HMGB1: variants seen among roughly 807,000 people sequenced by gnomAD.
The protein encoded by HMGB1 is high mobility group protein B1.
For synonymous variants in HMGB1, 81 were observed against 84.0 expected, an observed-to-expected ratio of 0.96 and a Z score of 0.19; for missense variants, 79 against 253.5, an observed-to-expected ratio of 0.31 and a Z score of 4.67.
chr13:30,611,545 T>A (rs1258672738), intron 1 of HMGB1, among the ~76,000 whole-genome samples: 1 of 152,214 alleles, frequency 6.6e-6, no homozygotes, highest in African/African-American at 2.4e-5. Context: ...AAGTAAAAAT[T>A]CACCTTTGTG....
intron 1 of HMGB1, among the ~76,000 whole-genome samples, chr13:30,484,596 G>A (rs1432708743): frequency 3.9e-5 from 6 of 152,274 alleles, no homozygotes; most frequent in East Asian, 3.9e-4. Flanking sequence ...TGGGCCAGGC[G>A]CAGTGGTTCA....
intron 1 of HMGB1, chr13:30,464,289 CCT>C: frequency 1.0e-6 from 1 of 985,576 alleles, no homozygotes; most frequent in Non-Finnish European, 1.2e-6. Context: ...AGCCTCGTTT[CCT>C]ATCGGTTTGG....
intron 4 of HMGB1, 47 bp from the exon 5 acceptor site, chr13:30,461,580 TAAGGA>T (rs1886338874): frequency 2.5e-6 from 4 of 1,568,706 alleles, no homozygotes; most frequent in Admixed American, 1.9e-5. Context: ...AAAAAAACAT[TAAGGA>T]AAGAAATAGA....
At chr13:30,467,409 A>C (rs1389810048), upstream of HMGB1, among the ~76,000 whole-genome samples, 2 of 152,238 alleles carry the variant, frequency 1.3e-5, no homozygotes, top group Non-Finnish European at 2.9e-5. Context: ...AAGCTTAGAT[A>C]ATCTTTCCTG....
At chr13:30,497,229 C>G (rs1298188758) in intron 1 of HMGB1, among the ~76,000 whole-genome samples, 1 of 152,128 alleles carries the variant, frequency 6.6e-6, no homozygotes, top group Non-Finnish European at 1.5e-5. Context: ...TTATGCCGCA[C>G]TCATTCCATT....
intron 1 of HMGB1, among the ~76,000 whole-genome samples, chr13:30,601,581 TA>T (rs1254083310): frequency 1.3e-5 from 1 of 79,308 alleles, no homozygotes; most frequent in Non-Finnish European, 2.2e-5. Context: ...CCGTCTCTAC[TA>T]AAAATACAAA....
At chr13:30,527,938 T>C (rs1380501552) in intron 1 of HMGB1, among the ~76,000 whole-genome samples, 4 of 152,196 alleles carry the variant, frequency 2.6e-5, no homozygotes, top group Admixed American at 1.3e-4. Flanking sequence ...AAAATTGAAA[T>C]TTTAAAAAGG....
chr13:30,606,502 A>T (rs150590445), intron 1 of HMGB1, among the ~76,000 whole-genome samples: 37 of 152,348 alleles, frequency 2.4e-4, no homozygotes, highest in African/African-American at 8.4e-4. Flanking sequence ...TTTGGAAAGC[A>T]AAATGAATTT....
At chr13:30,593,494 C>T (rs1475087531) in intron 1 of HMGB1, among the ~76,000 whole-genome samples, 1 of 152,210 alleles carries the variant, frequency 6.6e-6, no homozygotes, top group Non-Finnish European at 1.5e-5. Flanking sequence ...AAAAGTTCAC[C>T]TCAATGCCAA....
chr13:30,614,823 C>A (rs570918611), intron 1 of HMGB1, among the ~76,000 whole-genome samples: 1 of 151,954 alleles, frequency 6.6e-6, no homozygotes, highest in South Asian at 2.1e-4. Context: ...CTTAGCCTCC[C>A]GAGTAGCTGG....
chr13:30,508,833 TCAACAA>T (rs1228664618), intron 1 of HMGB1, among the ~76,000 whole-genome samples: 3 of 152,172 alleles, frequency 2.0e-5, no homozygotes, highest in African/African-American at 7.2e-5. Context: ...GAAATCAAAC[TCAACAA>T]CAGCACCACC....
intron 1 of HMGB1, among the ~76,000 whole-genome samples, chr13:30,494,709 G>A (rs1338766204): frequency 6.6e-6 from 1 of 152,104 alleles, no homozygotes; most frequent in Non-Finnish European, 1.5e-5. Context: ...AAATTCACAT[G>A]ATTGTGCAAC....
intron 1 of HMGB1, among the ~76,000 whole-genome samples, chr13:30,597,996 T>C (rs1220135283): frequency 2.0e-5 from 3 of 152,190 alleles, no homozygotes; most frequent in African/African-American, 7.2e-5. Context: ...AGCCTTAGAG[T>C]AGCTGTCCCT....
intron 1 of HMGB1, among the ~76,000 whole-genome samples, chr13:30,508,676 C>T (rs921444822): frequency 1.7e-4 from 26 of 152,080 alleles, no homozygotes; most frequent in Non-Finnish European, 1.6e-4. Flanking sequence ...GTTTTCTCAC[C>T]GCCTTTCATT....
chr13:30,536,381 A>G (rs1352327779), intron 1 of HMGB1, among the ~76,000 whole-genome samples: 4 of 152,086 alleles, frequency 2.6e-5, no homozygotes, highest in South Asian at 4.1e-4. Context: ...TTTAAAAACT[A>G]ATTTTGTTTT....
At chr13:30,549,809 C>T (rs1460528054) in intron 1 of HMGB1, among the ~76,000 whole-genome samples, 2 of 151,930 alleles carry the variant, frequency 1.3e-5, no homozygotes, top group African/African-American at 2.4e-5. Flanking sequence ...CTCCGCCTCT[C>T]GGGTTCAAGC....
chr13:30,483,355 C>CT (rs1364956870), intron 1 of HMGB1, among the ~76,000 whole-genome samples: 1 of 128,580 alleles, frequency 7.8e-6, no homozygotes, highest in Non-Finnish European at 1.8e-5. Context: ...TCATTAACTC[C>CT]TCCTTTCCCT....
chr13:30,545,858 T>C (rs1048997304), intron 1 of HMGB1, among the ~76,000 whole-genome samples: 10 of 152,062 alleles, frequency 6.6e-5, no homozygotes, highest in Admixed American at 1.3e-4. Flanking sequence ...TGTGCCACCA[T>C]GCCCAGCAAA....
chr13:30,497,537 G>C (rs1440159322), intron 1 of HMGB1, among the ~76,000 whole-genome samples: 1 of 151,668 alleles, frequency 6.6e-6, no homozygotes, highest in African/African-American at 2.4e-5. Context: ...TTGGTGTACA[G>C]ATTATTTTGT....
Sources: gnomAD v4.1 joint callset for allele counts (sites outside exome capture counted in the v4.1 genomes callset) on GRCh38, gnomAD v4.1.1 for gene constraint, MANE v1.5 for transcripts, NCBI Gene and HGNC (gene_info 2026-07-23, HGNC 2026-07-21) for gene names.